Variants in PTPRN2 observed in about 807,000 individuals in gnomAD.
The protein encoded by PTPRN2 is protein tyrosine phosphatase receptor type N2.
Under a neutral mutation model 118.8 loss-of-function variants are expected in PTPRN2, and 74 were observed. The observed-to-expected ratio is 0.62, with a 90% CI of 0.52 to 0.76. PTPRN2 has a LOEUF of 0.76. PTPRN2 is among the 30% of genes least tolerant of loss of function. The pLI is 0.00. For synonymous variants in PTPRN2, 641 were observed against 608.0 expected, an observed-to-expected ratio of 1.05 and a Z score of -0.80; for missense variants, 1,481 against 1,394.4, an observed-to-expected ratio of 1.06 and a Z score of -0.99.
intron 5 of PTPRN2, among the ~76,000 whole-genome samples, chr7:158,179,104 T>A (rs1052491222): frequency 4.6e-5 from 7 of 152,254 alleles, no homozygotes; most frequent in Admixed American, 3.9e-4. Context: ...GATGTTGTAC[T>A]AATTTACATT....
chr7:157,561,093 T>C (rs1160367651), intron 21 of PTPRN2, among the ~76,000 whole-genome samples: 1 of 151,740 alleles, frequency 6.6e-6, no homozygotes, highest in East Asian at 1.9e-4. Flanking sequence ...GCCTGGCTGG[T>C]CCCCCAGCCA....
In PTPRN2 at chr7:158,267,938, G is replaced by A. The variant is rs905129943; in HGVS notation, c.277+48881C>T. ...CCTCCAGCCCGTAATTTAGAGAGAAGCTGATGCAGTTGACTCTTCCCAGCT... is the reference window on the plus strand; with the variant it reads ...CCTCCAGCCCGTAATTTAGAGAGAAACTGATGCAGTTGACTCTTCCCAGCT... On this transcript the variant is annotated intron_variant, in intron 3 of 22. Transcript: ENST00000389418. Among the ~76,000 whole-genome samples the A allele has an allele frequency of 1.1e-4, 16 of 152,292 alleles. No homozygotes were observed. In the South Asian group the frequency reaches 3.3e-3, roughly 32 times the overall value.
At chr7:158,128,135 G>A (rs562721504) in intron 9 of PTPRN2, among the ~76,000 whole-genome samples, 1 of 152,242 alleles carries the variant, frequency 6.6e-6, no homozygotes, top group East Asian at 1.9e-4. Flanking sequence ...CTTTTTTAAA[G>A]AATGCCATCT....
chr7:158,007,832 G>T (rs971149744), intron 11 of PTPRN2, among the ~76,000 whole-genome samples: 2 of 146,174 alleles, frequency 1.4e-5, no homozygotes, highest in African/African-American at 2.5e-5. Context: ...TACATGTGGG[G>T]GTGTGTGGGT....
At chr7:158,146,881 G>A (rs901696504) in intron 6 of PTPRN2, among the ~76,000 whole-genome samples, 10 of 151,822 alleles carry the variant, frequency 6.6e-5, no homozygotes, top group Non-Finnish European at 1.0e-4. Flanking sequence ...AGTTTACAGG[G>A]AAAATACACC....
At chr7:157,678,973 A>G (rs910931639) in intron 13 of PTPRN2, among the ~76,000 whole-genome samples, 4 of 152,150 alleles carry the variant, frequency 2.6e-5, no homozygotes, top group African/African-American at 7.2e-5. Flanking sequence ...TTTTTACCCA[A>G]TCACCTTCCA....
rs950099380 is a variant in PTPRN2, at chr7:157,986,175, G to T, written c.1724-87438C>A. ...CTCATCTACAGCCCCGCTCTCGTAT[G>T]TCCGGGGGAAGCTATGGAGAGGGTG... On this transcript the variant is annotated intron_variant, in intron 11 of 22. Transcript: ENST00000389418. The surrounding 1 kb of genome is among the most constrained non-coding windows in gnomAD (Gnocchi z 4.5). Among the ~76,000 whole-genome samples the T allele has an allele frequency of 3.3e-5, 5 of 152,312 alleles. No homozygotes were observed. Among genetic ancestry groups the T allele is most frequent in the African/African-American group, 1.2e-4 (5 of 41,572 alleles).
At position 158,515,791 on chromosome 7, in the gene PTPRN2, C is replaced by A. The variant is rs546774739; in HGVS notation, c.113-26006G>T. 3.9e-5 allele frequency among the ~76,000 whole-genome samples: 6 copies of A among 152,296 alleles called. No individual in the cohort carries two copies. In the South Asian group the frequency reaches 1.2e-3, roughly 32 times the overall value. On this transcript the variant is annotated intron_variant, in intron 1 of 22. Transcript: ENST00000389418. ...CGTGCCACTGAAATACCAGCGTCTA[C>A]CAAATTTTCACTATCGACACCTCCC...
chr7:157,672,585 A>G (rs529277224), intron 13 of PTPRN2, among the ~76,000 whole-genome samples: 4 of 152,072 alleles, frequency 2.6e-5, no homozygotes, highest in Admixed American at 1.3e-4. Context: ...GTTATTGTCC[A>G]CTCTCCTGCA....
chr7:158,471,461 G>A (rs570075963), intron 2 of PTPRN2, among the ~76,000 whole-genome samples: 13 of 152,266 alleles, frequency 8.5e-5, no homozygotes, highest in Admixed American at 2.6e-4. Flanking sequence ...AGGCCGACGC[G>A]GGTGGATCAC....
At chr7:157,980,468 T>C (rs1373430889) in intron 11 of PTPRN2, among the ~76,000 whole-genome samples, 1 of 152,212 alleles carries the variant, frequency 6.6e-6, no homozygotes, top group African/African-American at 2.4e-5. Flanking sequence ...TACCCTGTGA[T>C]TGGCCGGGCA....
intron 11 of PTPRN2, among the ~76,000 whole-genome samples, chr7:157,924,232 G>A (rs1798844589): frequency 2.0e-5 from 3 of 152,236 alleles, no homozygotes; most frequent in East Asian, 3.9e-4. Flanking sequence ...TGGCTTCCTG[G>A]GGCTGGCTCC....
chr7:157,737,299 C>T (rs1800355953), intron 12 of PTPRN2, among the ~76,000 whole-genome samples: 1 of 152,152 alleles, frequency 6.6e-6, no homozygotes, highest in Non-Finnish European at 1.5e-5. Flanking sequence ...TGTGTGGACG[C>T]GGCCCCCAGC....
chr7:158,529,986 C>T lies in PTPRN2; in HGVS notation c.113-40201G>A, dbSNP rs1027680704. On this transcript the variant is annotated intron_variant, in intron 1 of 22. Coordinates refer to ENST00000389418, the MANE Select transcript of PTPRN2 (RefSeq NM_002847.5). This position sits in a 1 kb window ranked among gnomAD's most constrained non-coding sequence, Gnocchi z 4.7. ...AAGCATGCACGCCACACATGCCATA[C>T]ACACCACACGCATGCCACATGCACA... 7.9e-5 allele frequency among the ~76,000 whole-genome samples: 12 copies of T among 152,162 alleles called. No homozygotes were observed. The highest frequency in any genetic ancestry group is 6.5e-4 in the Admixed American group (10 of 15,280).
intron 1 of PTPRN2, among the ~76,000 whole-genome samples, chr7:158,548,530 G>C (rs557320384): frequency 6.6e-6 from 1 of 152,168 alleles, no homozygotes; most frequent in Non-Finnish European, 1.5e-5. Flanking sequence ...ATGACCAGGG[G>C]GCTCTTCCTA....
In PTPRN2 at chr7:157,810,524, G is replaced by A. The variant is rs115014576; in HGVS notation, c.1788+88149C>T. ...TCCATGGGGACGGCGGGACTGCTGG[G>A]AGCTGGGTTCTCCACGGGGACGGGG... On this transcript the variant is annotated intron_variant, in intron 12 of 22. Coordinates refer to ENST00000389418, the MANE Select transcript of PTPRN2 (RefSeq NM_002847.5). Among the ~76,000 whole-genome samples, 1,382 of 148,994 alleles carry A rather than the reference G, an allele frequency of 9.3e-3. 33 individuals carry two copies. Among genetic ancestry groups the A allele is most frequent in the African/African-American group, 0.032 (1,286 of 40,198 alleles).
At chr7:158,149,785 C>G (rs936146839) in intron 6 of PTPRN2, among the ~76,000 whole-genome samples, 1 of 138,602 alleles carries the variant, frequency 7.2e-6, no homozygotes, top group African/African-American at 2.7e-5. Context: ...GCCTGAGTGA[C>G]AGAGCAAGAG....
chr7:157,598,890 CA>C lies in PTPRN2; in HGVS notation c.2419-3576del, dbSNP rs1397544962. On this transcript the variant is annotated intron_variant, in intron 16 of 22. Transcript: ENST00000389418. The surrounding 1 kb of genome is among the most constrained non-coding windows in gnomAD (Gnocchi z 5.2). ...CTTTCTCCCCAGACAGGGGCTTCTG[CA>C]GCAACACATCCCGCCTAGAGAGGCC... is the stretch of plus-strand genomic sequence containing the variant. 2.0e-5 allele frequency among the ~76,000 whole-genome samples: 3 copies of C among 152,222 alleles called. No individual in the cohort carries two copies. The highest frequency in any genetic ancestry group is 7.2e-5 in the African/African-American group (3 of 41,448).
At chr7:157,968,373 G>A (rs1196609002) in intron 11 of PTPRN2, among the ~76,000 whole-genome samples, 1 of 152,214 alleles carries the variant, frequency 6.6e-6, no homozygotes, top group African/African-American at 2.4e-5. Flanking sequence ...TGCCTGTGCT[G>A]ACTGGCATCG....
Sources: gnomAD v4.1 joint callset for allele counts (sites outside exome capture counted in the v4.1 genomes callset) on GRCh38, gnomAD v4.1.1 for gene constraint, Gnocchi (gnomAD v3.1) non-coding constraint, MANE v1.5 for transcripts, NCBI Gene and HGNC (gene_info 2026-07-23, HGNC 2026-07-21) for gene names.